The following MAPDA variants were observed in gnomAD, a reference collection of about 807,000 sequenced individuals.
The protein encoded by MAPDA is N6-Methyl-AMP deaminase, also known as N6,N6-dimethyl-AMP deaminase.
chr15:43,349,639 A>G, the MAPDA span, among the ~76,000 whole-genome samples: 4 of 152,224 alleles, frequency 2.6e-5, no homozygotes, highest in African/African-American at 9.7e-5. Flanking sequence ...TGATTGTATA[A>G]CCACTTTTGA....
At chr15:43,330,393 C>T in the MAPDA span, 98 of 1,583,944 alleles carry the variant, frequency 6.2e-5, 1 homozygote, top group Middle Eastern at 8.4e-4. Context: ...GGGTCCTGCA[C>T]GTACCCGCGC....
the MAPDA span, chr15:43,351,051 T>A: frequency 6.5e-7 from 1 of 1,550,202 alleles, no homozygotes; most frequent in Non-Finnish European, 8.7e-7. Context: ...TGTAAGGTGT[T>A]CCGTGTGAAG....
chr15:43,332,471 T>A, the MAPDA span: 1 of 151,798 alleles, frequency 6.6e-6, no homozygotes, highest in Non-Finnish European at 1.5e-5. Flanking sequence ...AAAATGTAGG[T>A]GTTATGTCAA....
At chr15:43,336,805 T>A in the MAPDA span, 1 of 723,670 alleles carries the variant, frequency 1.4e-6, no homozygotes, top group Non-Finnish European at 2.1e-6. Flanking sequence ...TTTTCTCTAT[T>A]ATGGCAACTC....
chr15:43,336,089 T>G, the MAPDA span, among the ~76,000 whole-genome samples: 1 of 152,246 alleles, frequency 6.6e-6, no homozygotes, highest in African/African-American at 2.4e-5. Context: ...TTGCCTAGAC[T>G]GGAGTGCAGT....
At chr15:43,336,620 T>C in the MAPDA span, 1 of 1,566,904 alleles carries the variant, frequency 6.4e-7, no homozygotes, top group Non-Finnish European at 8.6e-7. Flanking sequence ...TTCATTCATG[T>C]TGCAGATGTT....
the MAPDA span, chr15:43,347,151 G>T: frequency 3.5e-6 from 5 of 1,426,328 alleles, no homozygotes; most frequent in Non-Finnish European, 4.9e-6. Context: ...AAATAATAGG[G>T]TCATTTGTAA....
At chr15:43,349,426 T>G in the MAPDA span, 3 of 796,138 alleles carry the variant, frequency 3.8e-6, no homozygotes. Context: ...TATTTTCACA[T>G]GTCTGTTGAT....
the MAPDA span, chr15:43,352,561 G>C: frequency 6.6e-6 from 1 of 152,176 alleles, no homozygotes; most frequent in Non-Finnish European, 1.5e-5. Flanking sequence ...CCGGAAATTA[G>C]TCAGGCACGG....
chr15:43,340,490 C>A, the MAPDA span: 1 of 664,570 alleles, frequency 1.5e-6, no homozygotes, highest in Non-Finnish European at 2.6e-6. Flanking sequence ...CTTTAGTCAA[C>A]AGTCCAAGTC....
the MAPDA span, chr15:43,330,362 G>A: frequency 2.0e-6 from 3 of 1,529,172 alleles, no homozygotes; most frequent in South Asian, 1.1e-5. Context: ...CGCCGCGCCC[G>A]GAACCAGCAA....
chr15:43,334,068 T>G, the MAPDA span, among the ~76,000 whole-genome samples: 1 of 152,238 alleles, frequency 6.6e-6, no homozygotes, highest in Non-Finnish European at 1.5e-5. Flanking sequence ...GATTGAGATA[T>G]CAGTGTGATT....
At chr15:43,345,268 C>T in the MAPDA span, among the ~76,000 whole-genome samples, 5 of 150,490 alleles carry the variant, frequency 3.3e-5, no homozygotes, top group Admixed American at 2.7e-4. Flanking sequence ...GCAGGAGAAT[C>T]GCTTGGACCC....
At chr15:43,342,968 A>T in the MAPDA span, 36 of 1,482,032 alleles carry the variant, frequency 2.4e-5, no homozygotes, top group Non-Finnish European at 2.9e-5. Flanking sequence ...ATCTCTTTAC[A>T]TGTATTTTCT....
the MAPDA span, among the ~76,000 whole-genome samples, chr15:43,339,597 C>T: frequency 6.6e-6 from 1 of 152,108 alleles, no homozygotes; most frequent in Admixed American, 6.5e-5. Flanking sequence ...CCAACCTAGC[C>T]TTTTTTTCTT....
the MAPDA span, chr15:43,342,884 C>A: frequency 2.6e-6 from 2 of 765,308 alleles, no homozygotes; most frequent in Non-Finnish European, 4.2e-6. Flanking sequence ...TTAACTATGC[C>A]CTTGTCATAG....
At chr15:43,330,656 C>A in the MAPDA span, 9 of 755,962 alleles carry the variant, frequency 1.2e-5, no homozygotes, top group African/African-American at 1.7e-4. Flanking sequence ...TCTCGCCAAC[C>A]AGAATTGAGG....
At chr15:43,343,274 T>C in the MAPDA span, among the ~76,000 whole-genome samples, 1 of 152,234 alleles carries the variant, frequency 6.6e-6, no homozygotes, top group African/African-American at 2.4e-5. Flanking sequence ...ATTCTGAGTA[T>C]TTTTACATGA....
At chr15:43,338,739 G>A in the MAPDA span, among the ~76,000 whole-genome samples, 1 of 152,196 alleles carries the variant, frequency 6.6e-6, no homozygotes, top group African/African-American at 2.4e-5. Flanking sequence ...TCACAGAAAG[G>A]GCTAAATCTG....
Sources: gnomAD v4.1 joint callset for allele counts (sites outside exome capture counted in the v4.1 genomes callset) on GRCh38, gnomAD v4.1.1 for gene constraint, MANE v1.5 for transcripts, NCBI Gene and HGNC (gene_info 2026-07-23, HGNC 2026-07-21) for gene names.